Variants in AVEN observed in about 807,000 individuals in gnomAD.
AVEN encodes apoptosis and caspase activation inhibitor.
Under a neutral mutation model 38.1 loss-of-function variants are expected in AVEN, and 41 were observed. The ratio of observed to expected loss-of-function variants is 1.08; its 90% CI spans 0.84 to 1.40. AVEN has a LOEUF of 1.40. AVEN is among the 40% of genes most tolerant of loss of function. The probability of loss-of-function intolerance (pLI) is 0.00; values close to 1 mark genes in which losing one functional copy is unlikely to be tolerated. For missense variants in AVEN, 605 were observed against 438.8 expected, an observed-to-expected ratio of 1.38 and a Z score of -3.38; for synonymous variants, 206 against 171.8, an observed-to-expected ratio of 1.20 and a Z score of -1.56.
chr15:33,947,778 G>A (rs1196703915), intron 2 of AVEN, among the ~76,000 whole-genome samples: 28 of 152,004 alleles, frequency 1.8e-4, no homozygotes, highest in Admixed American at 1.8e-3. Context: ...AGATACAGAG[G>A]GTCAACTGTA....
chr15:34,024,472 CAAA>C (rs10531898), intron 1 of AVEN, among the ~76,000 whole-genome samples: 85 of 101,926 alleles, frequency 8.3e-4, no homozygotes, highest in South Asian at 1.2e-3. Context: ...GACCCTGTCT[CAAA>C]AAAAAAAAAA....
At chr15:33,872,550 G>A (rs891724164) in intron 3 of AVEN, among the ~76,000 whole-genome samples, 3 of 152,034 alleles carry the variant, frequency 2.0e-5, no homozygotes, top group African/African-American at 7.2e-5. Context: ...TCTGGGTGGC[G>A]TGGGGGGAGC....
rs552235759 is a variant in AVEN at position 33,913,774 on chromosome 15, C to CA, written c.446-37780dup. ...GCAAGGTAAGAATGTCCTCTCCCACCACTTCTCATTATACAAGAATACAAA... is the reference window on the plus strand; with the variant it reads ...GCAAGGTAAGAATGTCCTCTCCCACCAACTTCTCATTATACAAGAATACAAA... On this transcript the variant is annotated intron_variant, in intron 2 of 5. Coordinates refer to ENST00000306730, the MANE Select transcript of AVEN (RefSeq NM_020371.3). Among the ~76,000 whole-genome samples the CA allele has an allele frequency of 4.6e-3, 706 of 152,280 alleles. 6 individuals are homozygous for CA. The highest frequency in any genetic ancestry group is 0.016 in the African/African-American group (684 of 41,548).
intron 2 of AVEN, among the ~76,000 whole-genome samples, chr15:33,947,644 ATAAT>A (rs1476886378): frequency 3.3e-5 from 5 of 152,192 alleles, no homozygotes; most frequent in African/African-American, 1.2e-4. Context: ...ATTACTTATA[ATAAT>A]TAATATAACA....
At chr15:34,036,341 T>C (rs1400299496) in intron 1 of AVEN, among the ~76,000 whole-genome samples, 1 of 147,216 alleles carries the variant, frequency 6.8e-6, no homozygotes. Flanking sequence ...TCCATTTGTA[T>C]GCAGTGGTCC....
chr15:33,913,669 C>A (rs1226585240), intron 2 of AVEN, among the ~76,000 whole-genome samples: 1 of 152,158 alleles, frequency 6.6e-6, no homozygotes, highest in East Asian at 1.9e-4. Flanking sequence ...AAACTGAAAA[C>A]CAGCCCTCTG....
chr15:34,026,492 GA>G (rs1218110452), intron 1 of AVEN, among the ~76,000 whole-genome samples: 3 of 152,132 alleles, frequency 2.0e-5, no homozygotes, highest in Admixed American at 2.0e-4. Context: ...TGGAATTGAA[GA>G]AATCATATAA....
intron 2 of AVEN, among the ~76,000 whole-genome samples, chr15:33,899,613 C>T (rs1013597205): frequency 4.1e-5 from 6 of 145,402 alleles, no homozygotes; most frequent in African/African-American, 1.5e-4. Flanking sequence ...GAACTACAGG[C>T]GCCCGTCACC....
Position 34,063,981 on chromosome 15 carries a change from C to T in AVEN, n.1127-549G>A, listed in dbSNP as rs1305906753. 2 of 1,614,162 alleles carry T rather than the reference C, an allele frequency of 1.2e-6. No individual in the cohort carries two copies. The highest frequency in any genetic ancestry group is 1.7e-5 in the Admixed American group (1 of 60,020). On this transcript the variant is annotated intron_variant and non_coding_transcript_variant, in intron 4 of 11. Coordinates refer to the AVEN transcript ENST00000675287. This position sits in a 1 kb window ranked among gnomAD's most constrained non-coding sequence, Gnocchi z 4.1. The stretch of plus-strand genomic sequence containing the variant: ...TTCAACGAAAGGCCTCAATCCCAAC[C>T]CCAGCCATCAAATGACCAAACGAAA...
At chr15:34,006,099 G>A (rs963626276) in intron 1 of AVEN, among the ~76,000 whole-genome samples, 1 of 151,866 alleles carries the variant, frequency 6.6e-6, no homozygotes, top group Admixed American at 6.6e-5. Context: ...ATCACAAGGT[G>A]AGGAGATCGA....
intron 1 of AVEN, chr15:34,018,286 TG>T (rs1296698035): frequency 6.6e-6 from 1 of 152,226 alleles, no homozygotes; most frequent in East Asian, 1.9e-4. Flanking sequence ...TATTCCTTCT[TG>T]TGGGTTCTCG....
chr15:33,994,726 AC>A (rs1896863918), intron 2 of AVEN, among the ~76,000 whole-genome samples: 1 of 152,190 alleles, frequency 6.6e-6, no homozygotes, highest in Non-Finnish European at 1.5e-5. Flanking sequence ...TCAAAAATTC[AC>A]TGTTACAATG....
chr15:34,004,797 G>T (rs574902697), intron 1 of AVEN, among the ~76,000 whole-genome samples: 7 of 152,056 alleles, frequency 4.6e-5, no homozygotes, highest in African/African-American at 1.7e-4. Context: ...ATCTACTTTT[G>T]CATGTATTTA....
chr15:34,017,483 TG>T (rs1229884492), intron 1 of AVEN, among the ~76,000 whole-genome samples: 64 of 44,906 alleles, frequency 1.4e-3, no homozygotes, highest in Admixed American at 2.5e-3. Flanking sequence ...ATTTTTTTTT[TG>T]TTTTTTTTTT....
intron 3 of AVEN, among the ~76,000 whole-genome samples, chr15:33,872,568 CTG>C (rs1028695673): frequency 8.5e-5 from 13 of 152,094 alleles, no homozygotes; most frequent in African/African-American, 3.1e-4. Context: ...AGCCGGGAAT[CTG>C]TGCCTTTAAA....
At chr15:34,068,965 C>T (rs1028250374) in intron 2 of AVEN, among the ~76,000 whole-genome samples, 1 of 151,974 alleles carries the variant, frequency 6.6e-6, no homozygotes, top group South Asian at 2.1e-4. Flanking sequence ...GCGCCTGCCA[C>T]CACGCCCGGC....
chr15:34,016,317 G>C (rs946172736), intron 1 of AVEN, among the ~76,000 whole-genome samples: 2 of 152,180 alleles, frequency 1.3e-5, no homozygotes, highest in African/African-American at 2.4e-5. Context: ...AGTACTATCA[G>C]ATCAACAAAA....
Position 33,870,971 on chromosome 15 carries a change from G to C in AVEN, c.576C>G (p.Leu192=). Residue 192 remains leucine (L), a synonymous_variant, in exon 4 of 6, where the codon CTC becomes CTG. Transcript: ENST00000306730. ...LLVRALQELP[L]CLRLNVAAEL... is the part of the protein sequence containing the mutation. The stretch of plus-strand genomic sequence containing the variant: ...CGGCAGCAACGTTGAGTCGGAGGCA[G>C]AGAGGCAGCTCTTGAAGGGCTCGAA... 1.9e-6 allele frequency: 3 copies of C among 1,611,594 alleles called. No individual in the cohort carries two copies. The highest frequency in any genetic ancestry group is 2.5e-6 in the Non-Finnish European group (3 of 1,178,450).
chr15:34,048,355 A>G (rs1288603361), intron 5 of AVEN, among the ~76,000 whole-genome samples: 30 of 151,748 alleles, frequency 2.0e-4, no homozygotes. Flanking sequence ...CAGCTGTTCC[A>G]GCCTGCTGGC....
Sources: allele counts gnomAD v4.1 joint callset (sites outside exome capture counted in the v4.1 genomes callset), GRCh38; gene constraint gnomAD v4.1.1; non-coding constraint Gnocchi (gnomAD v3.1); transcripts MANE v1.5; gene names NCBI Gene and HGNC (gene_info 2026-07-23, HGNC 2026-07-21).